Variants in DGKI observed in about 807,000 individuals in gnomAD.
DGKI encodes the protein DAG kinase iota.
A neutral mutation model predicts 147.5 loss-of-function variants in DGKI; 55 were observed. The ratio of observed to expected loss-of-function variants is 0.37; its 90% CI spans 0.30 to 0.47. The LOEUF is 0.47. Among genes scored for constraint, DGKI ranks in the 20% least tolerant of loss-of-function variants. The pLI, the probability that DGKI is intolerant of heterozygous loss-of-function variation, is 1.00. For synonymous variants in DGKI, 469 were observed against 477.1 expected (o/e 0.98, Z 0.22); for missense variants, 1,007 against 1,323.8 (o/e 0.76, Z 3.71).
intron 1 of DGKI, among the ~76,000 whole-genome samples, chr7:137,810,385 C>A (rs917923114): frequency 6.6e-6 from 1 of 151,920 alleles, no homozygotes; most frequent in East Asian, 1.9e-4. Context: ...GAAAAGAAAA[C>A]GAAACTATGA....
intron 1 of DGKI, among the ~76,000 whole-genome samples, chr7:137,827,785 A>G (rs985752528): frequency 3.3e-5 from 5 of 152,230 alleles, no homozygotes; most frequent in African/African-American, 1.2e-4. Flanking sequence ...TCCTTCAAAT[A>G]TTCAAATGAT....
intron 27 of DGKI, among the ~76,000 whole-genome samples, chr7:137,457,335 G>C (rs75520742): frequency 0.039 from 5,998 of 152,290 alleles, 292 homozygotes; most frequent in East Asian, 0.12. Flanking sequence ...TTGTGAAGCT[G>C]AAAGAATATT....
rs550594153 is a variant in DGKI at position 137,703,830 on chromosome 7, A to C, written c.402-13828T>G. Among the ~76,000 whole-genome samples, 8 of 152,348 alleles carry C rather than the reference A, an allele frequency of 5.3e-5. No individual in the cohort carries two copies. The East Asian group carries it at 7.7e-4, about 15-fold the overall frequency. On this transcript the variant is annotated intron_variant, in intron 1 of 32. Coordinates refer to ENST00000614521, the MANE Select transcript of DGKI (RefSeq NM_001321708.2). ...GTCCTGTTTTAAATAAAATTTTATG[A>C]GATATGCAAAGAAACAAGAAAGTAT...
intron 20 of DGKI, among the ~76,000 whole-genome samples, chr7:137,548,400 T>G (rs1563079308): frequency 6.6e-6 from 1 of 152,166 alleles, no homozygotes; most frequent in East Asian, 1.9e-4. Flanking sequence ...GTTTGGGTCA[T>G]GGGGGCAGAT....
chr7:137,801,483 T>C (rs1403696909), intron 1 of DGKI, among the ~76,000 whole-genome samples: 1 of 152,176 alleles, frequency 6.6e-6, no homozygotes, highest in African/African-American at 2.4e-5. Flanking sequence ...CCAGAAAGCT[T>C]GGGACCCTCC....
rs996250098 is a variant in DGKI, at chr7:137,382,110, A to C, written c.*9110T>G. 1 of 152,084 alleles carries C rather than the reference A, an allele frequency of 6.6e-6. No homozygotes were observed. The highest frequency in any genetic ancestry group is 2.4e-5 in the African/African-American group (1 of 41,418). 9.4% of individuals were successfully genotyped at this position (152,084 alleles called of 1,614,324 possible). ...CTTAAAAGTGATAAATCTCACCAAC[A>C]CCTATAAATTTGAAATTACCTATAA... On this transcript the variant is annotated 3_prime_UTR_variant, in exon 33 of 33. Transcript: ENST00000614521.
At chr7:137,614,292 AT>A (rs1479282830) in intron 8 of DGKI, among the ~76,000 whole-genome samples, 2 of 152,106 alleles carry the variant, frequency 1.3e-5, no homozygotes, top group African/African-American at 2.4e-5. Flanking sequence ...AGTACAAAAT[AT>A]TTTTTCAAAT....
chr7:137,661,795 G>A (rs1245256594), intron 3 of DGKI, among the ~76,000 whole-genome samples: 1 of 152,178 alleles, frequency 6.6e-6, no homozygotes, highest in Admixed American at 6.5e-5. Context: ...GCCCAGGCAG[G>A]ACTGTCCTCT....
chr7:137,711,786 T>C (rs1301289027), intron 1 of DGKI, among the ~76,000 whole-genome samples: 1 of 146,776 alleles, frequency 6.8e-6, no homozygotes, highest in Non-Finnish European at 1.5e-5. Flanking sequence ...CTACGCCTCC[T>C]GGGTTTAAGC....
intron 1 of DGKI, among the ~76,000 whole-genome samples, chr7:137,788,636 A>G (rs1392767525): frequency 4.7e-5 from 4 of 85,660 alleles, no homozygotes; most frequent in Non-Finnish European, 8.8e-5. Context: ...ACCCATAAAT[A>G]CACACACACA....
chr7:137,495,992 C>T (rs1224537465), intron 21 of DGKI, among the ~76,000 whole-genome samples: 2 of 151,876 alleles, frequency 1.3e-5, no homozygotes, highest in Non-Finnish European at 2.9e-5. Flanking sequence ...ATAAAAGGCA[C>T]CCAAATAGGA....
intron 20 of DGKI, among the ~76,000 whole-genome samples, chr7:137,545,336 A>AT (rs1025780510): frequency 6.6e-6 from 1 of 152,148 alleles, no homozygotes; most frequent in Non-Finnish European, 1.5e-5. Context: ...TAAAAAACAT[A>AT]TTTTTTTGTT....
intron 20 of DGKI, among the ~76,000 whole-genome samples, chr7:137,540,626 C>T (rs1356058362): frequency 1.3e-5 from 2 of 151,484 alleles, no homozygotes; most frequent in African/African-American, 4.9e-5. Context: ...GCAGAGGTTT[C>T]AGTGAGCTGA....
At chr7:137,549,806 G>A (rs1817985012) in intron 20 of DGKI, among the ~76,000 whole-genome samples, 1 of 152,136 alleles carries the variant, frequency 6.6e-6, no homozygotes, top group South Asian at 2.1e-4. Flanking sequence ...AAGGTTTTCT[G>A]GTAAAATTGA....
chr7:137,382,472 T>C lies in DGKI; in HGVS notation c.*8748A>G, dbSNP rs1275271389. The C allele has an allele frequency of 6.6e-6, 1 of 152,152 alleles. No individual in the cohort carries two copies. Among genetic ancestry groups the C allele is most frequent in the Non-Finnish European group, 1.5e-5 (1 of 68,014 alleles). 9.4% of individuals were successfully genotyped at this position (152,152 alleles called of 1,614,324 possible). ...AAAGCTCCATTAAAAAGTTCTTCTA[T>C]TAGCTGACCCTACTTCCCCCAAGTT... On this transcript the variant is annotated 3_prime_UTR_variant, in exon 33 of 33. Coordinates refer to ENST00000614521, the MANE Select transcript of DGKI (RefSeq NM_001321708.2).
chr7:137,559,550 G>A (rs1818347271), intron 19 of DGKI, among the ~76,000 whole-genome samples: 1 of 151,992 alleles, frequency 6.6e-6, no homozygotes. Flanking sequence ...AAAAATAGTA[G>A]CAATTATTGC....
At chr7:137,624,857 C>T (rs1405311837) in intron 6 of DGKI, among the ~76,000 whole-genome samples, 3 of 152,096 alleles carry the variant, frequency 2.0e-5, no homozygotes, top group South Asian at 2.1e-4. Flanking sequence ...CTGCTCACCT[C>T]GGCCTCCCAA....
At chr7:137,552,320 C>T (rs367740809) in intron 20 of DGKI, 49 bp downstream of exon 20, 18 of 1,601,580 alleles carry the variant, frequency 1.1e-5, no homozygotes, top group Admixed American at 5.0e-5. Flanking sequence ...TCTGCACTCT[C>T]CTCTCCAAGG....
chr7:137,472,396 A>ATATGTATATATACAT, intron 23 of DGKI, among the ~76,000 whole-genome samples: 1 of 94,734 alleles, frequency 1.1e-5, no homozygotes, highest in African/African-American at 6.2e-5. Context: ...TACATATTAT[A>ATATGTATATATACAT]ATTATTATAT....
Sources: gnomAD v4.1 joint callset for allele counts (sites outside exome capture counted in the v4.1 genomes callset) on GRCh38, gnomAD v4.1.1 for gene constraint, MANE v1.5 for transcripts, NCBI Gene and HGNC (gene_info 2026-07-23, HGNC 2026-07-21) for gene names.